The following NTRK2 variants were observed in gnomAD, a reference collection of about 807,000 sequenced individuals.
NTRK2 encodes the protein neurotrophic receptor tyrosine kinase 2, also known as BDNF/NT-3 growth factors receptor.
A neutral mutation model predicts 94.5 loss-of-function variants in NTRK2; 13 were observed. The observed-to-expected ratio is 0.14, with a 90% CI of 0.09 to 0.22. The LOEUF (loss-of-function observed/expected upper bound fraction) is 0.22, where lower values mean the gene tolerates loss of function less well. NTRK2 is among the 10% of genes least tolerant of loss of function. The probability of loss-of-function intolerance (pLI) is 1.00; values close to 1 mark genes in which losing one functional copy is unlikely to be tolerated. For synonymous variants in NTRK2, 372 were observed against 407.4 expected (o/e 0.91, Z 1.05); for missense variants, 639 against 1,071.2 (o/e 0.60, Z 5.63).
chr9:84,769,377 GTCCCTGAATGA>G, intron 12 of NTRK2, among the ~76,000 whole-genome samples: 1 of 152,232 alleles, frequency 6.6e-6, no homozygotes, highest in South Asian at 2.1e-4. Flanking sequence ...TCTCCATTGA[GTCCCTGAATGA>G]TCACCTGAAG....
chr9:85,015,601 T>G (rs921286621), intron 17 of NTRK2, among the ~76,000 whole-genome samples: 29 of 152,160 alleles, frequency 1.9e-4, no homozygotes, highest in African/African-American at 6.5e-4. Flanking sequence ...AAGAACTGAT[T>G]CCGTGTCCAT....
At position 84,723,787 on chromosome 9, in the gene NTRK2, T is replaced by G. The variant is rs541343636; in HGVS notation, c.720+78T>G. ...TGCGAGAATGTATTAAACCTAGTGA[T>G]GATCATTTGATATTTTATAAGGCTA... On this transcript the variant is annotated intron_variant, in intron 7 of 18. Coordinates refer to ENST00000277120, the MANE Select transcript of NTRK2 (RefSeq NM_006180.6). 2.0e-4 allele frequency: 315 copies of G among 1,561,424 alleles called. 1 individual carries two copies. In the East Asian group the frequency reaches 2.9e-3, roughly 15 times the overall value.
intron 14 of NTRK2, among the ~76,000 whole-genome samples, chr9:84,882,149 G>A (rs760830617): frequency 7.2e-5 from 11 of 152,030 alleles, no homozygotes; most frequent in South Asian, 4.2e-4. Flanking sequence ...ATTCGTGCCC[G>A]TCTCTCTGTC....
In NTRK2 at chr9:85,011,291, C is replaced by G. The variant is rs545444957; in HGVS notation, c.2173-8915C>G. ...GATTCTGGACCAGAATTGCCCACCT[C>G]CTAGTATTCAGAGCTGTTCTTGCTC... On this transcript the variant is annotated intron_variant, in intron 17 of 18. Coordinates refer to ENST00000277120, the MANE Select transcript of NTRK2 (RefSeq NM_006180.6). 3.9e-5 allele frequency among the ~76,000 whole-genome samples: 6 copies of G among 152,206 alleles called. No homozygotes were observed. In the East Asian group the frequency reaches 9.7e-4, roughly 25 times the overall value.
chr9:84,715,179 A>G (rs2061638097), intron 6 of NTRK2, among the ~76,000 whole-genome samples: 1 of 152,208 alleles, frequency 6.6e-6, no homozygotes, highest in African/African-American at 2.4e-5. Context: ...ACCATATCAT[A>G]TTAATGTTCA....
chr9:84,683,434 T>C (rs113176279), intron 2 of NTRK2, among the ~76,000 whole-genome samples: 190 of 152,266 alleles, frequency 1.2e-3, no homozygotes, highest in African/African-American at 4.5e-3. Flanking sequence ...AGTGAGAACA[T>C]ACAGTGTTTG....
chr9:84,999,704 C>T lies in NTRK2; in HGVS notation c.2173-20502C>T, dbSNP rs143694508. On this transcript the variant is annotated intron_variant, in intron 17 of 18. Transcript: ENST00000277120. ...GGTGAGAATGATCCTGCCCTAAATT[C>T]GCTTTCCTAAGCCCTCCTTGTGTGT... Among the ~76,000 whole-genome samples the T allele has an allele frequency of 6.6e-5, 10 of 152,302 alleles. 1 individual carries two copies. Among genetic ancestry groups the T allele is most frequent in the Admixed American group, 3.9e-4 (6 of 15,296 alleles).
chr9:84,810,916 C>A (rs530089418), intron 12 of NTRK2: 4 of 1,189,052 alleles, frequency 3.4e-6, no homozygotes, highest in East Asian at 7.2e-5. Context: ...GAAAAGTGTG[C>A]TTTTTGACCC....
intron 14 of NTRK2, among the ~76,000 whole-genome samples, chr9:84,923,044 A>G (rs1160263270): frequency 6.6e-6 from 1 of 152,126 alleles, no homozygotes; most frequent in East Asian, 1.9e-4. Context: ...ATTGCCTGTG[A>G]CCCTCCACCT....
chr9:84,816,651 C>A (rs867905571), intron 12 of NTRK2, among the ~76,000 whole-genome samples: 5 of 151,580 alleles, frequency 3.3e-5, no homozygotes, highest in South Asian at 2.1e-4. Context: ...TGGTGGCGGG[C>A]GCCTGTAATC....
In NTRK2 at chr9:85,020,194, C is replaced by T. The variant is rs765177349; in HGVS notation, c.2173-12C>T. The T allele has an allele frequency of 1.2e-6, 2 of 1,614,030 alleles. No individual in the cohort carries two copies. Among genetic ancestry groups the T allele is most frequent in the Admixed American group, 1.7e-5 (1 of 60,026 alleles). The stretch of plus-strand genomic sequence containing the variant: ...GTGACTGATGCCTCCCTGTTGATCC[C>T]TTTCTCCCCAGGTCGGTGGCCACAC... On this transcript the variant is annotated splice_polypyrimidine_tract_variant and intron_variant, in intron 17 of 18. Transcript: ENST00000277120.
At position 84,925,461 on chromosome 9, in the gene NTRK2, G is replaced by A. The variant is rs144246449; in HGVS notation, c.1634-8701G>A. 3.3e-5 allele frequency among the ~76,000 whole-genome samples: 5 copies of A among 152,040 alleles called. No individual in the cohort carries two copies. The East Asian group carries it at 9.7e-4, about 29-fold the overall frequency. On this transcript the variant is annotated intron_variant, in intron 14 of 18. Transcript: ENST00000277120. The stretch of plus-strand genomic sequence containing the variant: ...GGGTAGGCTGCCTTCTATTGTCTTC[G>A]TGATCATGATCCATGGCCCTCTCCT...
At chr9:84,711,157 G>T (rs1430486888) in intron 6 of NTRK2, among the ~76,000 whole-genome samples, 1 of 152,102 alleles carries the variant, frequency 6.6e-6, no homozygotes, top group Non-Finnish European at 1.5e-5. Context: ...TATACCCTTG[G>T]ATGGCACCCA....
chr9:84,758,506 C>T (rs1339981304), intron 12 of NTRK2, among the ~76,000 whole-genome samples: 1 of 152,122 alleles, frequency 6.6e-6, no homozygotes, highest in Non-Finnish European at 1.5e-5. Flanking sequence ...ATTCTCCTGT[C>T]TTAGCCTCCT....
intron 14 of NTRK2, among the ~76,000 whole-genome samples, chr9:84,878,309 A>G (rs758080595): frequency 3.4e-4 from 51 of 152,168 alleles, no homozygotes; most frequent in Non-Finnish European, 6.2e-4. Flanking sequence ...TAGTCCTACA[A>G]GTTCAGGGTC....
rs139018849 is a variant in NTRK2 at position 84,738,687 on chromosome 9, C to A, written c.1160-3205C>A. On this transcript the variant is annotated intron_variant, in intron 9 of 18. Coordinates refer to ENST00000277120, the MANE Select transcript of NTRK2 (RefSeq NM_006180.6). ...TAAACATTAGGTCTCTATCCTCTCA[C>A]GTGCCAGTCTAACTAAACCTTTGTA... Among the ~76,000 whole-genome samples, 647 of 152,264 alleles carry A rather than the reference C, an allele frequency of 4.2e-3. 11 individuals are homozygous for A. The highest frequency in any genetic ancestry group is 0.015 in the African/African-American group (621 of 41,550).
At chr9:84,721,517 C>T (rs1372424271) in intron 6 of NTRK2, among the ~76,000 whole-genome samples, 1 of 152,162 alleles carries the variant, frequency 6.6e-6, no homozygotes, top group African/African-American at 2.4e-5. Flanking sequence ...GAGACAATTA[C>T]AGCACATGAA....
At chr9:84,829,248 C>T (rs182488403) in intron 12 of NTRK2, among the ~76,000 whole-genome samples, 59 of 152,302 alleles carry the variant, frequency 3.9e-4, no homozygotes, top group African/African-American at 1.3e-3. Context: ...ATCCGCCTGC[C>T]TTGGCCTCCC....
intron 12 of NTRK2, among the ~76,000 whole-genome samples, chr9:84,853,677 A>C (rs1221057594): frequency 6.6e-6 from 1 of 152,158 alleles, no homozygotes; most frequent in East Asian, 1.9e-4. Flanking sequence ...CACAGACAAG[A>C]TCCCTGTAGC....
Sources: gnomAD v4.1 joint callset for allele counts (sites outside exome capture counted in the v4.1 genomes callset) on GRCh38, gnomAD v4.1.1 for gene constraint, MANE v1.5 for transcripts, NCBI Gene and HGNC (gene_info 2026-07-23, HGNC 2026-07-21) for gene names.